The following RNF24 variants were observed in gnomAD, a reference collection of about 807,000 sequenced individuals.
RNF24 encodes the protein ring finger protein 24.
Under a neutral mutation model 20.0 loss-of-function variants are expected in RNF24, and 14 were observed. That is an observed-to-expected ratio of 0.70 (90% CI 0.46 to 1.10). The LOEUF is 1.10. Among genes scored for constraint, RNF24 ranks in the 50% least tolerant of loss-of-function variants. RNF24 has a pLI of 0.00. For synonymous variants in RNF24, 45 were observed against 61.1 expected, an observed-to-expected ratio of 0.74 and a Z score of 1.23; for missense variants, 124 against 177.6, an observed-to-expected ratio of 0.70 and a Z score of 1.71.
At chr20:4,009,339 C>T (rs535195113) in intron 1 of RNF24, among the ~76,000 whole-genome samples, 1 of 152,244 alleles carries the variant, frequency 6.6e-6, no homozygotes, top group Admixed American at 6.5e-5. Flanking sequence ...GGCAACGTCA[C>T]GGCATATGTG....
chr20:3,941,012 G>A (rs241622), intron 4 of RNF24, among the ~76,000 whole-genome samples: 48,311 of 152,058 alleles, frequency 0.32, 8,346 homozygotes, highest in African/African-American at 0.46. Flanking sequence ...ATATAAGGCT[G>A]TTCCTCCGTG....
chr20:3,998,384 G>A (rs1266308603), intron 1 of RNF24, among the ~76,000 whole-genome samples: 1 of 151,914 alleles, frequency 6.6e-6, no homozygotes, highest in Non-Finnish European at 1.5e-5. Flanking sequence ...AGACCAGCCT[G>A]ACCAGTATGG....
intron 1 of RNF24, among the ~76,000 whole-genome samples, chr20:3,966,697 T>C (rs2091262848): frequency 6.6e-6 from 1 of 152,140 alleles, no homozygotes; most frequent in Non-Finnish European, 1.5e-5. Flanking sequence ...CTAGAAACCA[T>C]GTCTGGCCAA....
intron 1 of RNF24, among the ~76,000 whole-genome samples, chr20:3,980,961 G>C (rs1193651076): frequency 2.0e-5 from 3 of 149,116 alleles, no homozygotes; most frequent in Admixed American, 6.7e-5. Flanking sequence ...ATTTGTGTGT[G>C]TGTGTTGGGG....
intron 1 of RNF24, among the ~76,000 whole-genome samples, chr20:3,998,574 CAAAAAAAAAAAAAAA>C (rs34012774): frequency 3.5e-4 from 11 of 31,340 alleles, no homozygotes; most frequent in South Asian, 4.6e-3. Flanking sequence ...GACTCTATCT[CAAAAAAAAAAAAAAA>C]AAAAAAAAAA....
chr20:3,945,087 AACT>A (rs2091000834), intron 4 of RNF24, 87 bp downstream of exon 4: 3 of 1,506,768 alleles, frequency 2.0e-6, no homozygotes, highest in East Asian at 2.4e-5. Context: ...TATTTTTTTC[AACT>A]ACTGAGAATA....
chr20:3,937,930 G>A (rs2090911073), intron 4 of RNF24, among the ~76,000 whole-genome samples: 1 of 152,154 alleles, frequency 6.6e-6, no homozygotes, highest in Non-Finnish European at 1.5e-5. Flanking sequence ...TGGTGTACAA[G>A]TATCTGGCTG....
intron 1 of RNF24, among the ~76,000 whole-genome samples, chr20:3,993,118 A>G (rs1301190228): frequency 6.6e-6 from 1 of 152,140 alleles, no homozygotes; most frequent in Non-Finnish European, 1.5e-5. Context: ...AACATTTTAC[A>G]TTGTGCTTTA....
intron 1 of RNF24, among the ~76,000 whole-genome samples, chr20:4,001,958 C>CA (rs1037218372): frequency 6.7e-5 from 10 of 148,964 alleles, no homozygotes; most frequent in East Asian, 2.0e-4. Flanking sequence ...AAAAAACAAA[C>CA]AAAAAAAAAC....
chr20:4,014,077 A>G (rs1982677635), intron 1 of RNF24, among the ~76,000 whole-genome samples: 1 of 152,234 alleles, frequency 6.6e-6, no homozygotes, highest in Admixed American at 6.5e-5. Context: ...GGGAACCTAC[A>G]GCGCTTCCTT....
chr20:3,928,747 C>CAAAAAAAAAAA lies in RNF24; in HGVS notation c.*5305_*5315dup, dbSNP rs528166005. 3.5e-5 allele frequency: 2 copies of CAAAAAAAAAAA among 56,840 alleles called. No homozygotes were observed. Among genetic ancestry groups the CAAAAAAAAAAA allele is most frequent in the Non-Finnish European group, 3.4e-5 (1 of 29,020 alleles). The allele number at this position is 56,840 out of a possible 1,614,324, so 3.5% of individuals were successfully genotyped here. A position where few individuals can be genotyped will look rare whatever the true frequency, so the allele number is the denominator to read the frequency against. On this transcript the variant is annotated 3_prime_UTR_variant, in exon 6 of 6. Transcript: ENST00000358395. Reference sequence around the variant, plus strand: ...TGGGTGACAGAGCGAGACTCCGTCTCAAAAAAAAAAAAAAAAAAAAAAAAA... The same window carrying CAAAAAAAAAAA: ...TGGGTGACAGAGCGAGACTCCGTCTCAAAAAAAAAAAAAAAAAAAAAAAAAAAAAAAAAAAA...
chr20:4,008,417 T>TA (rs1982104346), intron 1 of RNF24, among the ~76,000 whole-genome samples: 1 of 42,104 alleles, frequency 2.4e-5, no homozygotes, highest in African/African-American at 8.1e-5. Flanking sequence ...ATAATATATA[T>TA]ATTATATATA....
intron 2 of RNF24, among the ~76,000 whole-genome samples, chr20:3,954,119 C>A (rs6084530): frequency 0.52 from 78,836 of 151,892 alleles, 22,286 homozygotes; most frequent in Non-Finnish European, 0.64. Context: ...TAACCGCCTT[C>A]AAGTATACAA....
chr20:4,009,491 C>G (rs1982260971), intron 1 of RNF24, among the ~76,000 whole-genome samples: 1 of 152,026 alleles, frequency 6.6e-6, no homozygotes, highest in South Asian at 2.1e-4. Flanking sequence ...TTGCCTCCGA[C>G]AGGAGACAGA....
chr20:3,991,940 G>GCA (rs113511343), intron 1 of RNF24, among the ~76,000 whole-genome samples: 2,312 of 147,918 alleles, frequency 0.016, 39 homozygotes, highest in Admixed American at 0.037. Context: ...ACACACACAC[G>GCA]CACACACACA....
At position 3,988,276 on chromosome 20, in the gene RNF24, A is replaced by G. The variant is rs183774337; in HGVS notation, c.-7-24252T>C. Among the ~76,000 whole-genome samples the G allele has an allele frequency of 4.6e-3, 696 of 152,234 alleles. 14 individuals carry two copies. Among genetic ancestry groups the G allele is most frequent in the Admixed American group, 0.03 (456 of 15,282 alleles). ...GAAGTCAATGCTGCAGTGAGCCGTG[A>G]TCATGCCACTGCACTCCAGCCTGGG... On this transcript the variant is annotated intron_variant, in intron 1 of 5. Transcript: ENST00000358395.
At position 3,977,863 on chromosome 20, in the gene RNF24, C is replaced by CAAAA. The variant is rs1244052901; in HGVS notation, c.-7-13843_-7-13840dup. On this transcript the variant is annotated intron_variant, in intron 1 of 5. Transcript: ENST00000358395. The stretch of plus-strand genomic sequence containing the variant: ...TGGGCGACACAGCGAGACTCCGTCT[C>CAAAA]AAAAAAAAAAAAAAAAAAGGGCTCT... Among the ~76,000 whole-genome samples, 17 of 47,458 alleles carry CAAAA rather than the reference C, an allele frequency of 3.6e-4. 1 individual carries two copies. Among genetic ancestry groups the CAAAA allele is most frequent in the African/African-American group, 1.4e-3 (17 of 12,414 alleles). 31.1% of individuals were successfully genotyped at this position (47,458 alleles called of 152,430 possible). A position where few individuals can be genotyped will look rare whatever the true frequency, so the allele number is the denominator to read the frequency against.
Position 3,933,039 on chromosome 20 carries a change from A to C in RNF24, c.*1024T>G. 1 of 396,222 alleles carries C rather than the reference A, an allele frequency of 2.5e-6. No individual in the cohort carries two copies. Among genetic ancestry groups the C allele is most frequent in the Non-Finnish European group, 4.4e-6 (1 of 225,368 alleles). The allele number at this position is 396,222 out of a possible 1,614,324, so 24.5% of individuals were successfully genotyped here. ...TTACACAGGGATCTTATTTGGGATA[A>C]AGTGTTAAAAAGTGAATGACAGGCT... On this transcript the variant is annotated 3_prime_UTR_variant, in exon 6 of 6. Transcript: ENST00000358395.
chr20:3,956,359 T>C (rs2146975770), intron 2 of RNF24, among the ~76,000 whole-genome samples: 1 of 151,944 alleles, frequency 6.6e-6, no homozygotes, highest in East Asian at 1.9e-4. Context: ...ATTTCAAGTT[T>C]ATTGCCATAA....
Sources: gnomAD v4.1 joint callset for allele counts (sites outside exome capture counted in the v4.1 genomes callset) on GRCh38, gnomAD v4.1.1 for gene constraint, MANE v1.5 for transcripts, NCBI Gene and HGNC (gene_info 2026-07-23, HGNC 2026-07-21) for gene names.